Variants in SH3YL1 observed in about 807,000 individuals in gnomAD.
SH3YL1 encodes the protein SH3 and SYLF domain containing 1.
A neutral mutation model predicts 45.8 loss-of-function variants in SH3YL1; 41 were observed. The ratio of observed to expected loss-of-function variants is 0.89; its 90% CI spans 0.70 to 1.16. The LOEUF is 1.16. Among genes scored for constraint, SH3YL1 ranks in the 50% most tolerant of loss-of-function variants. The pLI, the probability that SH3YL1 is intolerant of heterozygous loss-of-function variation, is 0.00. For synonymous variants in SH3YL1, 152 were observed against 151.4 expected (o/e 1.00, Z -0.03); for missense variants, 389 against 409.6 (o/e 0.95, Z 0.43).
chr2:243,466 A>T, intron 4 of SH3YL1: 7 of 1,490,308 alleles, frequency 4.7e-6, no homozygotes, highest in Non-Finnish European at 6.2e-6. Flanking sequence ...AAATTAGATA[A>T]TATTTTGAGA....
In SH3YL1 at chr2:253,086, AT is replaced by A; in HGVS notation, c.30del (p.Lys10AsnfsTer11). ...ATTTTGGCAGCCTTTTTTGCTTCTG[AT>A]TTCAAATTGGAAGGTATAGGGTTAT... is the stretch of plus-strand genomic sequence containing the variant. MNNPIPSNLKSEAKKAAKIL... is the reference protein window; with the variant it reads MNNPIPSNLXSEAKKAAKIL... On this transcript the variant is annotated frameshift_variant, in exon 2 of 10. Transcript: ENST00000356150. LOFTEE classifies it high-confidence loss of function. 1 of 1,547,798 alleles carries A rather than the reference AT, an allele frequency of 6.5e-7. No homozygotes were observed. The highest frequency in any genetic ancestry group is 8.7e-7 in the Non-Finnish European group (1 of 1,143,654).
At chr2:257,958 G>T (rs2103058230) in intron 1 of SH3YL1, among the ~76,000 whole-genome samples, 1 of 152,214 alleles carries the variant, frequency 6.6e-6, no homozygotes, top group South Asian at 2.1e-4. Context: ...AATATCAGAT[G>T]ATTGTAGCTG....
upstream of SH3YL1, chr2:264,426 C>G (rs1367048791): frequency 5.1e-6 from 1 of 196,548 alleles, no homozygotes; most frequent in Non-Finnish European, 1.0e-5. Context: ...GTGCCCCAAC[C>G]CAGGTGGGCG....
chr2:264,655 C>A, upstream of SH3YL1: 1 of 249,086 alleles, frequency 4.0e-6, no homozygotes, highest in Non-Finnish European at 7.7e-6. Context: ...CGCGGCCCTA[C>A]TCCCTCCAGG....
At chr2:219,568 G>A (rs146980698) in intron 9 of SH3YL1, among the ~76,000 whole-genome samples, 74 of 152,244 alleles carry the variant, frequency 4.9e-4, no homozygotes, top group African/African-American at 1.7e-3. Flanking sequence ...CTCCAGAAGC[G>A]TGAGAAATAA....
chr2:226,831 T>C (rs898676464), intron 8 of SH3YL1, among the ~76,000 whole-genome samples: 4 of 150,934 alleles, frequency 2.7e-5, no homozygotes, highest in African/African-American at 7.3e-5. Flanking sequence ...CTGGGGAGTA[T>C]ATATGGTTAG....
rs182242035 is a variant in SH3YL1 at position 227,367 on chromosome 2, G to T, written c.782-2447C>A. ...AGTATATATAAATATTAATTTAGAA[G>T]TATATCAATTGTGACACTGTTTGGC... On this transcript the variant is annotated intron_variant, in intron 8 of 9. Transcript: ENST00000356150. Among the ~76,000 whole-genome samples the T allele has an allele frequency of 2.5e-3, 373 of 152,136 alleles. 5 individuals are homozygous for T. The highest frequency in any genetic ancestry group is 8.2e-3 in the African/African-American group (342 of 41,486).
At position 218,665 on chromosome 2, in the gene SH3YL1, G is replaced by C; in HGVS notation, c.*146C>G. ...TATGTCAGTCAGCTCTTTTTATATA[G>C]AAAAACAAAATCTTTTACATACGGA... On this transcript the variant is annotated 3_prime_UTR_variant, in exon 10 of 10. Transcript: ENST00000356150. The C allele has an allele frequency of 1.5e-6, 1 of 678,884 alleles. No homozygotes were observed. The highest frequency in any genetic ancestry group is 2.4e-6 in the Non-Finnish European group (1 of 420,538). 42.1% of individuals were successfully genotyped at this position (678,884 alleles called of 1,614,324 possible). A position where few individuals can be genotyped will look rare whatever the true frequency, so the allele number is the denominator to read the frequency against.
chr2:236,938 C>G (rs909496382), intron 4 of SH3YL1, among the ~76,000 whole-genome samples: 39 of 152,156 alleles, frequency 2.6e-4, no homozygotes, highest in Non-Finnish European at 1.0e-4. Context: ...AGCTGACCCA[C>G]ACAAGATGCT....
At chr2:224,822 A>G in intron 9 of SH3YL1, 42 bp downstream of exon 9, 2 of 1,430,972 alleles carry the variant, frequency 1.4e-6, no homozygotes, top group Non-Finnish European at 9.8e-7. Context: ...TGATCACAAA[A>G]TGAATATGAA....
chr2:248,431 C>CTGATAATG (rs1668930668), intron 3 of SH3YL1, among the ~76,000 whole-genome samples: 1 of 152,052 alleles, frequency 6.6e-6, no homozygotes, highest in Admixed American at 6.6e-5. Context: ...ATTTTTCGTT[C>CTGATAATG]CCTATGTTAG....
At chr2:230,248 C>G in intron 7 of SH3YL1, 1 of 389,392 alleles carries the variant, frequency 2.6e-6, no homozygotes. Flanking sequence ...AGGGTGTGCT[C>G]TTCTCATGCC....
At chr2:221,661 CTAAGA>C (rs1003492423) in intron 9 of SH3YL1, among the ~76,000 whole-genome samples, 1 of 152,172 alleles carries the variant, frequency 6.6e-6, no homozygotes, top group Non-Finnish European at 1.5e-5. Flanking sequence ...TTTACTGAGG[CTAAGA>C]TGTGTGTTGA....
intron 1 of SH3YL1, among the ~76,000 whole-genome samples, chr2:254,007 C>G (rs978826167): frequency 7.9e-5 from 12 of 152,060 alleles, no homozygotes; most frequent in Non-Finnish European, 1.8e-4. Flanking sequence ...CAAAACCTGG[C>G]CAAACCTCCC....
chr2:250,227 A>G (rs1285304543), intron 2 of SH3YL1, among the ~76,000 whole-genome samples: 1 of 152,260 alleles, frequency 6.6e-6, no homozygotes, highest in African/African-American at 2.4e-5. Context: ...ATTAAGATCC[A>G]TATAGTATTA....
At position 234,197 on chromosome 2, in the gene SH3YL1, C is replaced by G. The variant is rs531408074; in HGVS notation, c.367G>C (p.Gly123Arg). Reference protein sequence around the residue: ...AFAKGGNLTLGGNLTVAVGPL... With the variant: ...AFAKGGNLTLRGNLTVAVGPL... ...CCAACCGCCACAGTCAAGTTCCCTCCGAGGGTCAGATTTCCGCCTTTTGCA... is the reference window on the plus strand; with the variant it reads ...CCAACCGCCACAGTCAAGTTCCCTCGGAGGGTCAGATTTCCGCCTTTTGCA... Residue 123 changes from glycine to arginine, a missense_variant, in exon 5 of 10, where the codon GGA (glycine) becomes CGA (arginine). Transcript: ENST00000356150. The G allele has an allele frequency of 6.2e-7, 1 of 1,614,110 alleles. No homozygotes were observed. The highest frequency in any genetic ancestry group is 1.3e-5 in the African/African-American group (1 of 75,030).
chr2:259,780 A>G (rs1442336730), intron 1 of SH3YL1: 1 of 151,004 alleles, frequency 6.6e-6, no homozygotes, highest in African/African-American at 2.4e-5. Flanking sequence ...TGCATACTAG[A>G]TAATGTTCAT....
intron 2 of SH3YL1, 54 bp from the exon 3 acceptor site, chr2:249,898 T>C (rs1018561452): frequency 2.7e-5 from 34 of 1,237,864 alleles, no homozygotes; most frequent in Non-Finnish European, 3.9e-5. Context: ...TGTGCCTGGA[T>C]AGACGAGCAA....
chr2:262,806 C>G, intron 1 of SH3YL1: 1 of 860,422 alleles, frequency 1.2e-6, no homozygotes, highest in Middle Eastern at 2.8e-4. Context: ...ACAAAAGTAT[C>G]AAATCACTTT....
Sources: gnomAD v4.1 joint callset for allele counts (sites outside exome capture counted in the v4.1 genomes callset) on GRCh38, gnomAD v4.1.1 for gene constraint, MANE v1.5 for transcripts, NCBI Gene and HGNC (gene_info 2026-07-23, HGNC 2026-07-21) for gene names.